RPTOR: variants seen among roughly 807,000 people sequenced by gnomAD.
The protein encoded by RPTOR is regulatory associated protein of MTOR complex 1, also known as regulatory-associated protein of mTOR.
Under a neutral mutation model 169.9 loss-of-function variants are expected in RPTOR, and 21 were observed. That is an observed-to-expected ratio of 0.12 (90% CI 0.09 to 0.18). RPTOR has a LOEUF of 0.18. Ranked by LOEUF, RPTOR falls within the 10% of genes least tolerant of loss-of-function variation. The probability of loss-of-function intolerance (pLI) is 1.00; values close to 1 mark genes in which losing one functional copy is unlikely to be tolerated. For missense variants in RPTOR, 1,133 were observed against 1,855.9 expected (o/e 0.61, Z 7.16); for synonymous variants, 732 against 753.2 (o/e 0.97, Z 0.46).
rs61733885 is a variant in RPTOR, at chr17:80,883,927, C to A, written c.1797C>A (p.Ser599Arg). The change falls in exon 16 of 34, where the codon AGC becomes AGA. Residue 599 changes from serine to arginine, a missense_variant. This residue lies in a region of RPTOR where 289 missense variants were observed against 585.8 expected (regional missense o/e 0.49). Coordinates refer to ENST00000306801, the MANE Select transcript of RPTOR (RefSeq NM_020761.3). The stretch of plus-strand genomic sequence containing the variant: ...CGAGGTGGTGCGGCGTGAGGGACAG[C>A]GCTCATGAGAAGCTCTACAGCCTCC... Reference protein sequence around the residue: ...DSARWCGVRDSAHEKLYSLLS... With the variant: ...DSARWCGVRDRAHEKLYSLLS... 6.2e-7 allele frequency: 1 copy of A among 1,613,374 alleles called. No individual in the cohort carries two copies. Among genetic ancestry groups the A allele is most frequent in the Non-Finnish European group, 8.5e-7 (1 of 1,180,000 alleles).
At chr17:80,776,033 G>A (rs557312622) in intron 6 of RPTOR, among the ~76,000 whole-genome samples, 9 of 44,924 alleles carry the variant, frequency 2.0e-4, no homozygotes, top group Admixed American at 8.0e-4. Flanking sequence ...TCATCTTTGC[G>A]GTACATAGAA....
In RPTOR at chr17:80,823,669, AC is replaced by A. The variant is rs2067407915; in HGVS notation, c.1136+447del. The A allele has an allele frequency of 6.2e-6, 1 of 162,106 alleles. No homozygotes were observed. The highest frequency in any genetic ancestry group is 1.4e-5 in the Non-Finnish European group (1 of 73,344). 10.0% of individuals were successfully genotyped at this position (162,106 alleles called of 1,614,324 possible). ...CACACACACACACACACACACACACACACACACACAACGCTCATAAGTGTAA... is the reference window on the plus strand; with the variant it reads ...CACACACACACACACACACACACACAACACACACAACGCTCATAAGTGTAA... On this transcript the variant is annotated intron_variant, in intron 9 of 33. Transcript: ENST00000306801. This position sits in a 1 kb window ranked among gnomAD's most constrained non-coding sequence, Gnocchi z 4.5.
intron 21 of RPTOR, among the ~76,000 whole-genome samples, chr17:80,912,020 C>T (rs753512236): frequency 2.6e-5 from 4 of 152,178 alleles, no homozygotes; most frequent in Non-Finnish European, 4.4e-5. Context: ...CTGCCTGCTA[C>T]GGATTAGGGA....
At chr17:80,618,904 TTG>T (rs1373292017) in intron 1 of RPTOR, among the ~76,000 whole-genome samples, 10 of 152,192 alleles carry the variant, frequency 6.6e-5, no homozygotes, top group Non-Finnish European at 1.0e-4. Context: ...GGTGCTCACT[TTG>T]TAGCAGTGCT....
At chr17:80,681,889 T>C (rs967335728) in intron 3 of RPTOR, among the ~76,000 whole-genome samples, 1 of 152,106 alleles carries the variant, frequency 6.6e-6, no homozygotes, top group African/African-American at 2.4e-5. Flanking sequence ...ATCTCTCCTG[T>C]CATGAACACT....
At chr17:80,832,805 A>T (rs963807296) in intron 9 of RPTOR, among the ~76,000 whole-genome samples, 1 of 152,210 alleles carries the variant, frequency 6.6e-6, no homozygotes, top group Non-Finnish European at 1.5e-5. Context: ...AAGATAGCAG[A>T]AAAGAGCATT....
rs1035370618 is a variant in RPTOR at position 80,659,909 on chromosome 17, A to C, written c.348+16099A>C. ...GCAATCCTCCTGCCTTGGCCTCCCA[A>C]AGTGCTGGGATTTGAGCATGAACCA... On this transcript the variant is annotated intron_variant, in intron 3 of 33. Transcript: ENST00000306801. The surrounding 1 kb of genome is among the most constrained non-coding windows in gnomAD (Gnocchi z 4.3). 6.6e-6 allele frequency among the ~76,000 whole-genome samples: 1 copy of C among 152,182 alleles called. No individual in the cohort carries two copies. The highest frequency in any genetic ancestry group is 1.5e-5 in the Non-Finnish European group (1 of 68,016).
chr17:80,826,016 G>A lies in RPTOR; in HGVS notation c.1136+2793G>A, dbSNP rs377695611. On this transcript the variant is annotated intron_variant, in intron 9 of 33. Coordinates refer to ENST00000306801, the MANE Select transcript of RPTOR (RefSeq NM_020761.3). ...GCGGAGAGAAGTCAGGCTCACCTCC[G>A]CCGGCCCTGGGGAGCTCTGAGGATG... Among the ~76,000 whole-genome samples the A allele has an allele frequency of 2.0e-3, 309 of 152,240 alleles. 3 individuals carry two copies. The highest frequency in any genetic ancestry group is 7.0e-3 in the African/African-American group (292 of 41,548).
chr17:80,592,738 A>G (rs543791073), intron 1 of RPTOR, among the ~76,000 whole-genome samples: 18 of 152,198 alleles, frequency 1.2e-4, no homozygotes, highest in Non-Finnish European at 2.1e-4. Flanking sequence ...TTGGTGCAGT[A>G]TGTCTTCACA....
intron 31 of RPTOR, chr17:80,961,764 T>A: frequency 2.5e-6 from 1 of 399,616 alleles, no homozygotes; most frequent in Non-Finnish European, 4.5e-6. Context: ...CTGCTCTCCC[T>A]CCACGGGCAG....
Position 80,746,396 on chromosome 17 carries a change from G to A in RPTOR, c.655-7614G>A, listed in dbSNP as rs941565179. The stretch of plus-strand genomic sequence containing the variant: ...GCAGGGAGCGGACGGCAGGCCTGGG[G>A]CGTGCTGCCCGCTTACCTCATGAAC... On this transcript the variant is annotated intron_variant, in intron 5 of 33. Coordinates refer to ENST00000306801, the MANE Select transcript of RPTOR (RefSeq NM_020761.3). The surrounding 1 kb of genome is among the most constrained non-coding windows in gnomAD (Gnocchi z 4.5). 1.3e-5 allele frequency among the ~76,000 whole-genome samples: 2 copies of A among 152,210 alleles called. No individual in the cohort carries two copies. Among genetic ancestry groups the A allele is most frequent in the Admixed American group, 6.5e-5 (1 of 15,288 alleles).
At position 80,809,481 on chromosome 17, in the gene RPTOR, G is replaced by A. The variant is rs917312310; in HGVS notation, c.891-12720G>A. On this transcript the variant is annotated intron_variant, in intron 7 of 33. Transcript: ENST00000306801. Reference sequence around the variant, plus strand: ...GCCGGGATTACAGGCGTGAGCTACCGCGTCCGGCCATCTTACCGAAGTATA... The same window carrying A: ...GCCGGGATTACAGGCGTGAGCTACCACGTCCGGCCATCTTACCGAAGTATA... Among the ~76,000 whole-genome samples, 6 of 152,198 alleles carry A rather than the reference G, an allele frequency of 3.9e-5. No homozygotes were observed. The East Asian group carries it at 1.2e-3, about 29-fold the overall frequency.
At chr17:80,700,788 T>A (rs1381645207) in intron 3 of RPTOR, among the ~76,000 whole-genome samples, 8 of 144,944 alleles carry the variant, frequency 5.5e-5, no homozygotes, top group African/African-American at 7.8e-5. Flanking sequence ...ATGATGATGG[T>A]GGTGGTGGTG....
In RPTOR at chr17:80,837,009, G is replaced by A. The variant is rs532612339; in HGVS notation, c.1137-913G>A. On this transcript the variant is annotated intron_variant, in intron 9 of 33. Transcript: ENST00000306801. ...CCTGAGCAAGGATGAGAGCAGGCAG[G>A]GAAAGGGCTGTGGAAGCTGCAGCAG... Among the ~76,000 whole-genome samples, 535 of 152,290 alleles carry A rather than the reference G, an allele frequency of 3.5e-3. 4 individuals are homozygous for A. Among genetic ancestry groups the A allele is most frequent in the African/African-American group, 0.012 (519 of 41,548 alleles).
intron 9 of RPTOR, among the ~76,000 whole-genome samples, chr17:80,831,701 GTGTGTCACTGTGTATCCCTGTGTGTCAC>G (rs1469858692): frequency 3.3e-5 from 5 of 152,122 alleles, no homozygotes; most frequent in East Asian, 1.9e-4. Flanking sequence ...ATGTATCCCT[GTGTGTCACTGTGTATCCCTGTGTGTCAC>G]TGTGTCACTG....
At chr17:80,656,788 T>A (rs996368304) in intron 3 of RPTOR, among the ~76,000 whole-genome samples, 5 of 152,136 alleles carry the variant, frequency 3.3e-5, no homozygotes, top group Non-Finnish European at 5.9e-5. Context: ...CCCACGTGAG[T>A]GCTCACATCG....
intron 17 of RPTOR, among the ~76,000 whole-genome samples, chr17:80,889,494 C>T (rs1381361946): frequency 6.6e-6 from 1 of 152,132 alleles, no homozygotes. Flanking sequence ...ACTAATGTGG[C>T]CTCCCCGTCT....
chr17:80,945,540 C>T, intron 25 of RPTOR, 127 bp from the exon 26 acceptor site: 1 of 468,122 alleles, frequency 2.1e-6, no homozygotes, highest in Non-Finnish European at 3.6e-6. Flanking sequence ...TGCAGTGAGC[C>T]AAGATTGCAC....
In RPTOR at chr17:80,743,587, C is replaced by G. The variant is rs77986720; in HGVS notation, c.655-10423C>G. Among the ~76,000 whole-genome samples, 143 of 152,296 alleles carry G rather than the reference C, an allele frequency of 9.4e-4. 2 individuals carry two copies. The East Asian group carries it at 0.023, about 25-fold the overall frequency. ...GTGGGCTAGAAATCATGGAACAAAT[C>G]ATAAAGCCAAGTAGTAATTTAAACC... On this transcript the variant is annotated intron_variant, in intron 5 of 33. Coordinates refer to ENST00000306801, the MANE Select transcript of RPTOR (RefSeq NM_020761.3).
Sources: gnomAD v4.1 joint callset for allele counts (sites outside exome capture counted in the v4.1 genomes callset) on GRCh38, gnomAD v4.1.1 for gene constraint, gnomAD v4.1.1 regional missense constraint, Gnocchi (gnomAD v3.1) non-coding constraint, MANE v1.5 for transcripts, NCBI Gene and HGNC (gene_info 2026-07-23, HGNC 2026-07-21) for gene names.